The following STRN3 variants were observed in gnomAD, a reference collection of about 807,000 sequenced individuals.
STRN3 encodes the protein striatin 3.
Under a neutral mutation model 95.6 loss-of-function variants are expected in STRN3, and 29 were observed. The observed-to-expected ratio is 0.30, with a 90% CI of 0.23 to 0.41. The LOEUF (loss-of-function observed/expected upper bound fraction) is 0.41, where lower values mean the gene tolerates loss of function less well. Among genes scored for constraint, STRN3 ranks in the 10% least tolerant of loss-of-function variants. The pLI is 1.00. For missense variants in STRN3, 890 were observed against 972.1 expected, an observed-to-expected ratio of 0.92 and a Z score of 1.12; for synonymous variants, 331 against 357.6, an observed-to-expected ratio of 0.93 and a Z score of 0.84.
At position 30,929,349 on chromosome 14, in the gene STRN3, AG is replaced by A. The variant is rs772435578; in HGVS notation, c.989-39del. On this transcript the variant is annotated intron_variant, in intron 7 of 17. Transcript: ENST00000357479. ...TATTATTAAAAGAAAAAAAATCAGC[AG>A]TTGGCAATGCAAGCTGTTGGCAGTA... The A allele has an allele frequency of 7.1e-6, 11 of 1,540,554 alleles. No individual in the cohort carries two copies. In the African/African-American group the frequency reaches 1.5e-4, roughly 21 times the overall value.
rs77879389 is a variant in STRN3 at position 30,917,555 on chromosome 14, A to T, written c.1240+1411T>A. Among the ~76,000 whole-genome samples the T allele has an allele frequency of 2.0e-3, 226 of 112,884 alleles. 1 individual carries two copies. In the East Asian group the frequency reaches 0.025, roughly 12 times the overall value. 74.1% of individuals were successfully genotyped at this position (112,884 alleles called of 152,430 possible). On this transcript the variant is annotated intron_variant, in intron 9 of 17. Transcript: ENST00000357479. Reference sequence around the variant, plus strand: ...AAATCACCACTAAATGCATAAAATTAAAAAAAAAAAAAGGAGTTGCTATGT... The same window carrying T: ...AAATCACCACTAAATGCATAAAATTTAAAAAAAAAAAAGGAGTTGCTATGT...
intron 1 of STRN3, among the ~76,000 whole-genome samples, chr14:31,023,255 T>C (rs965482281): frequency 7.2e-5 from 11 of 152,200 alleles, no homozygotes; most frequent in African/African-American, 2.7e-4. Flanking sequence ...ATTTTGGTAA[T>C]TCATGTTATA....
At chr14:30,935,140 C>A (rs1449523870) in intron 7 of STRN3, 23 bp downstream of exon 7, 1 of 1,609,958 alleles carries the variant, frequency 6.2e-7, no homozygotes, top group Non-Finnish European at 8.5e-7. Context: ...TTCCTCCCAC[C>A]CGGTATTTCT....
chr14:30,905,256 A>C (rs1205994527), intron 15 of STRN3, among the ~76,000 whole-genome samples, 162 bp downstream of exon 15: 1 of 152,202 alleles, frequency 6.6e-6, no homozygotes, highest in Non-Finnish European at 1.5e-5. Flanking sequence ...AATTTGAAGA[A>C]AAAGCAGACA....
intron 4 of STRN3, among the ~76,000 whole-genome samples, chr14:30,947,730 T>C (rs1452484427): frequency 6.6e-6 from 1 of 152,184 alleles, no homozygotes; most frequent in Non-Finnish European, 1.5e-5. Flanking sequence ...TAGAGATTGA[T>C]GAACACACTA....
In STRN3 at chr14:31,026,197, C is replaced by A; in HGVS notation, c.-12G>T. 1 of 1,415,508 alleles carries A rather than the reference C, an allele frequency of 7.1e-7. No homozygotes were observed. Among genetic ancestry groups the A allele is most frequent in the South Asian group, 1.5e-5 (1 of 66,290 alleles). The allele number at this position is 1,415,508 out of a possible 1,614,324, so 87.7% of individuals were successfully genotyped here. ...GCAAGCTCGTCCATTGTGTGTGGGG[C>A]CCCGGCCGGGGCGCAGGGCGAGACG... On this transcript the variant is annotated 5_prime_UTR_variant, in exon 1 of 18. Transcript: ENST00000357479.
At chr14:31,016,162 T>G (rs2139338462) in intron 1 of STRN3, among the ~76,000 whole-genome samples, 1 of 152,272 alleles carries the variant, frequency 6.6e-6, no homozygotes, top group African/African-American at 2.4e-5. Flanking sequence ...TCTTACATAA[T>G]TAAATATAAT....
chr14:30,932,324 A>G (rs1878581722), intron 7 of STRN3: 1 of 152,196 alleles, frequency 6.6e-6, no homozygotes, highest in African/African-American at 2.4e-5. Context: ...AATATATTCA[A>G]ATTTCTGGCA....
At chr14:30,928,827 T>C (rs1406260001) in intron 8 of STRN3, among the ~76,000 whole-genome samples, 1 of 152,190 alleles carries the variant, frequency 6.6e-6, no homozygotes, top group Admixed American at 6.5e-5. Context: ...AAATGTAACC[T>C]GGATATGAGT....
chr14:30,927,857 C>T (rs1209582454), intron 8 of STRN3, among the ~76,000 whole-genome samples: 5 of 143,638 alleles, frequency 3.5e-5, no homozygotes, highest in South Asian at 2.2e-4. Context: ...TGCTTGAACC[C>T]GGGAGGCAGA....
intron 1 of STRN3, among the ~76,000 whole-genome samples, chr14:30,988,285 ATT>A (rs2139250544): frequency 6.6e-6 from 1 of 152,314 alleles, no homozygotes; most frequent in South Asian, 2.1e-4. Context: ...CCTAAAAGGT[ATT>A]ATCAACCAAA....
intron 1 of STRN3, among the ~76,000 whole-genome samples, chr14:31,020,799 G>C (rs1057038946): frequency 6.6e-6 from 1 of 152,032 alleles, no homozygotes; most frequent in African/African-American, 2.4e-5. Flanking sequence ...CCACCTACTC[G>C]GGAGGCTGCA....
At chr14:30,989,608 C>T (rs1428193937) in intron 1 of STRN3, among the ~76,000 whole-genome samples, 1 of 152,022 alleles carries the variant, frequency 6.6e-6, no homozygotes, top group African/African-American at 2.4e-5. Flanking sequence ...CTACAGGTGC[C>T]CGCCACCTCG....
At chr14:30,996,682 A>G (rs1381492351) in intron 1 of STRN3, among the ~76,000 whole-genome samples, 2 of 152,164 alleles carry the variant, frequency 1.3e-5, no homozygotes, top group African/African-American at 2.4e-5. Flanking sequence ...CCTGGCCAAC[A>G]TGGTGAAACC....
chr14:30,924,287 C>CTTTTTTTTTTTTTTTTTTTT lies in STRN3; in HGVS notation c.1099+4894_1099+4913dup, dbSNP rs71112354. Among the ~76,000 whole-genome samples, 17 of 77,242 alleles carry CTTTTTTTTTTTTTTTTTTTT rather than the reference C, an allele frequency of 2.2e-4. 1 individual carries two copies. The highest frequency in any genetic ancestry group is 3.7e-4 in the East Asian group (1 of 2,716). The allele number at this position is 77,242 out of a possible 152,430, so 50.7% of individuals were successfully genotyped here. On this transcript the variant is annotated intron_variant, in intron 8 of 17. Coordinates refer to ENST00000357479, the MANE Select transcript of STRN3 (RefSeq NM_001083893.2). ...AGGTACAATGGCTCATGCCTTAAAT[C>CTTTTTTTTTTTTTTTTTTTT]TTTTTTTTTTTTTTTTTTTTGAGAT... is the stretch of plus-strand genomic sequence containing the variant.
chr14:30,954,194 T>G (rs149604041), intron 3 of STRN3, among the ~76,000 whole-genome samples: 1 of 152,218 alleles, frequency 6.6e-6, no homozygotes, highest in Non-Finnish European at 1.5e-5. Flanking sequence ...TCCTCTTCTA[T>G]GGTGTGTCTT....
At chr14:30,978,215 C>T (rs1287695173) in intron 1 of STRN3, among the ~76,000 whole-genome samples, 4 of 152,098 alleles carry the variant, frequency 2.6e-5, no homozygotes, top group East Asian at 1.9e-4. Context: ...GAAAGGAAAA[C>T]GACAAACATA....
chr14:31,008,353 C>T (rs1384091905), intron 1 of STRN3, among the ~76,000 whole-genome samples: 1 of 150,874 alleles, frequency 6.6e-6, no homozygotes, highest in African/African-American at 2.4e-5. Flanking sequence ...TATAAAAATA[C>T]AAAAACTAGC....
In STRN3 at chr14:30,935,278, G is replaced by A. The variant is rs1290645625; in HGVS notation, c.873C>T (p.Asp291=). ...CCTCAGTATCAGGATCGTCAGTTAG[G>A]TCAGCAGCTAAACCTTCATTACCTA... is the stretch of plus-strand genomic sequence containing the variant. The part of the protein sequence containing the change: ...HKIGNEGLAA[D]LTDDPDTEEA... Residue 291 remains aspartate (D), a synonymous_variant, in exon 7 of 18, where the codon GAC becomes GAT. Coordinates refer to ENST00000357479, the MANE Select transcript of STRN3 (RefSeq NM_001083893.2). The A allele has an allele frequency of 5.0e-6, 8 of 1,613,822 alleles. No homozygotes were observed. Among genetic ancestry groups the A allele is most frequent in the Non-Finnish European group, 6.8e-6 (8 of 1,179,942 alleles).
Sources: gnomAD v4.1 joint callset for allele counts (sites outside exome capture counted in the v4.1 genomes callset) on GRCh38, gnomAD v4.1.1 for gene constraint, MANE v1.5 for transcripts, NCBI Gene and HGNC (gene_info 2026-07-23, HGNC 2026-07-21) for gene names.